The following NDUFS4 variants were observed in gnomAD, a reference collection of about 807,000 sequenced individuals.
NDUFS4 encodes NADH dehydrogenase [ubiquinone] iron-sulfur protein 4, mitochondrial.
A neutral mutation model predicts 24.3 loss-of-function variants in NDUFS4; 28 were observed. That is an observed-to-expected ratio of 1.15 (90% CI 0.85 to 1.58). NDUFS4 has a LOEUF of 1.58. Ranked by LOEUF, NDUFS4 falls within the 40% of genes most tolerant of loss-of-function variation. NDUFS4 has a pLI of 0.00. For synonymous variants in NDUFS4, 93 were observed against 69.7 expected, an observed-to-expected ratio of 1.34 and a Z score of -1.67; for missense variants, 223 against 207.9, an observed-to-expected ratio of 1.07 and a Z score of -0.45.
chr5:53,642,363 G>A (rs1333197920), intron 2 of NDUFS4, among the ~76,000 whole-genome samples: 4 of 152,126 alleles, frequency 2.6e-5, no homozygotes, highest in Non-Finnish European at 5.9e-5. Context: ...ACAAAAGTAA[G>A]GAGGCTTTTG....
chr5:53,645,458 T>A (rs1310519798), intron 2 of NDUFS4, among the ~76,000 whole-genome samples: 2 of 152,224 alleles, frequency 1.3e-5, no homozygotes, highest in Admixed American at 6.5e-5. Flanking sequence ...ACTGCTACTA[T>A]GTTTTGATAA....
rs187483444 is a variant in NDUFS4 at position 53,562,528 on chromosome 5, C to A, written c.98+1768C>A. On this transcript the variant is annotated intron_variant, in intron 1 of 4. Coordinates refer to ENST00000296684, the MANE Select transcript of NDUFS4 (RefSeq NM_002495.4). ...ACATATCCAAACTTAAGAGTTTTTGCCTGCAAATGTAAGAGATTTGAAAAT... is the reference window on the plus strand; with the variant it reads ...ACATATCCAAACTTAAGAGTTTTTGACTGCAAATGTAAGAGATTTGAAAAT... 2.7e-3 allele frequency among the ~76,000 whole-genome samples: 416 copies of A among 152,102 alleles called. 3 individuals carry two copies. The highest frequency in any genetic ancestry group is 6.8e-3 in the Middle Eastern group (2 of 294).
intron 4 of NDUFS4, among the ~76,000 whole-genome samples, chr5:53,681,926 A>G (rs1258985884): frequency 1.3e-5 from 2 of 152,142 alleles, no homozygotes; most frequent in Non-Finnish European, 1.5e-5. Context: ...CTAAGGGACT[A>G]TTGAAATGTA....
intron 1 of NDUFS4, among the ~76,000 whole-genome samples, chr5:53,586,981 G>A (rs965310163): frequency 6.6e-6 from 1 of 151,928 alleles, no homozygotes; most frequent in Non-Finnish European, 1.5e-5. Context: ...GTGCCGCCAT[G>A]CCTGGCTAAT....
intron 4 of NDUFS4, among the ~76,000 whole-genome samples, chr5:53,673,147 T>G (rs1012931304): frequency 2.0e-5 from 3 of 152,180 alleles, no homozygotes; most frequent in Non-Finnish European, 4.4e-5. Context: ...GCATACAATT[T>G]TGGTTAATAA....
chr5:53,634,987 C>T (rs1217783809), intron 2 of NDUFS4, among the ~76,000 whole-genome samples: 1 of 151,810 alleles, frequency 6.6e-6, no homozygotes, highest in Non-Finnish European at 1.5e-5. Flanking sequence ...GTCAAGCGTT[C>T]GAGACCAGCC....
chr5:53,639,326 C>T (rs932067225), intron 2 of NDUFS4, among the ~76,000 whole-genome samples: 1 of 151,726 alleles, frequency 6.6e-6, no homozygotes, highest in Non-Finnish European at 1.5e-5. Flanking sequence ...CCTTATAGTA[C>T]AATTTCTCAT....
chr5:53,661,351 T>C (rs1418183013), intron 4 of NDUFS4, among the ~76,000 whole-genome samples: 3 of 152,154 alleles, frequency 2.0e-5, no homozygotes, highest in East Asian at 3.9e-4. Flanking sequence ...TTCTGTTCCA[T>C]TGGTGTATAT....
At chr5:53,602,807 T>C (rs1346795657) in intron 1 of NDUFS4, among the ~76,000 whole-genome samples, 3 of 152,164 alleles carry the variant, frequency 2.0e-5, no homozygotes, top group African/African-American at 7.2e-5. Context: ...AACAACAAAG[T>C]GTACATGAAA....
chr5:53,651,974 C>T (rs401967), intron 3 of NDUFS4, among the ~76,000 whole-genome samples: 30,820 of 151,764 alleles, frequency 0.2, 3,647 homozygotes, highest in East Asian at 0.47. Flanking sequence ...GGGGTTTCAC[C>T]GTGTTAGCCA....
rs572343827 is a variant in NDUFS4 at position 53,647,504 on chromosome 5, A to T, written c.350+1099A>T. On this transcript the variant is annotated intron_variant, in intron 3 of 4. Transcript: ENST00000296684. ...AGTACTGAGATTACAGGTGTGAGCC[A>T]CCATGCCTGGCCATTAAATTGCTTT... 5.4e-4 allele frequency among the ~76,000 whole-genome samples: 83 copies of T among 152,306 alleles called. No homozygotes were observed. The South Asian group carries it at 6.0e-3, about 11-fold the overall frequency.
At chr5:53,620,046 G>A (rs1407778086) in intron 2 of NDUFS4, among the ~76,000 whole-genome samples, 1 of 151,868 alleles carries the variant, frequency 6.6e-6, no homozygotes, top group Non-Finnish European at 1.5e-5. Flanking sequence ...AGGCGCAGTG[G>A]CAAGGTGGGA....
intron 1 of NDUFS4, among the ~76,000 whole-genome samples, chr5:53,590,170 A>T (rs1032424016): frequency 6.6e-6 from 1 of 152,170 alleles, no homozygotes; most frequent in Non-Finnish European, 1.5e-5. Flanking sequence ...TGATTGAATT[A>T]AGGGTCTTGT....
chr5:53,622,458 A>C (rs185131737), intron 2 of NDUFS4, among the ~76,000 whole-genome samples: 1 of 152,034 alleles, frequency 6.6e-6, no homozygotes, highest in Non-Finnish European at 1.5e-5. Context: ...CCACAGAGAG[A>C]GAGAAAAAGC....
At chr5:53,595,319 A>C (rs1750102463) in intron 1 of NDUFS4, among the ~76,000 whole-genome samples, 1 of 152,198 alleles carries the variant, frequency 6.6e-6, no homozygotes, top group South Asian at 2.1e-4. Context: ...TTTAATTTAT[A>C]AGTTAATAAT....
chr5:53,616,598 C>T (rs1051135070), intron 2 of NDUFS4, among the ~76,000 whole-genome samples: 6 of 151,726 alleles, frequency 4.0e-5, no homozygotes, highest in Non-Finnish European at 5.9e-5. Context: ...AAATAACAGA[C>T]GGAAAGATAT....
chr5:53,583,180 T>C (rs1346709523), intron 1 of NDUFS4, among the ~76,000 whole-genome samples: 2 of 152,106 alleles, frequency 1.3e-5, no homozygotes, highest in Non-Finnish European at 2.9e-5. Context: ...CCCGGCCTTA[T>C]ATATTTTTTT....
intron 1 of NDUFS4, among the ~76,000 whole-genome samples, chr5:53,570,604 C>T (rs1749177446): frequency 6.6e-6 from 1 of 151,948 alleles, no homozygotes. Context: ...AGTGGTTGTA[C>T]CATTTTGCTT....
intron 2 of NDUFS4, among the ~76,000 whole-genome samples, chr5:53,634,810 G>T (rs1324885506): frequency 6.6e-6 from 1 of 151,882 alleles, no homozygotes; most frequent in Non-Finnish European, 1.5e-5. Context: ...CTTAGGGCCA[G>T]ACTTTTTTTT....
Sources: gnomAD v4.1 joint callset for allele counts (sites outside exome capture counted in the v4.1 genomes callset) on GRCh38, gnomAD v4.1.1 for gene constraint, MANE v1.5 for transcripts, NCBI Gene and HGNC (gene_info 2026-07-23, HGNC 2026-07-21) for gene names.